The following BRI3 variants were observed in gnomAD, a reference collection of about 807,000 sequenced individuals.
BRI3 encodes the protein membrane protein BRI3.
BRI3 carries 6 observed loss-of-function variants against 12.8 expected under a neutral mutation model. That is an observed-to-expected ratio of 0.47 (90% CI 0.26 to 0.93). The LOEUF is 0.93. BRI3 is among the 40% of genes least tolerant of loss of function. The probability of loss-of-function intolerance (pLI) is 0.15; values close to 1 mark genes in which losing one functional copy is unlikely to be tolerated. For synonymous variants in BRI3, 91 were observed against 76.1 expected (o/e 1.20, Z -1.02); for missense variants, 134 against 171.1 (o/e 0.78, Z 1.21).
At chr7:98,294,190 G>A, downstream of BRI3, 3 of 1,482,920 alleles carry the variant, frequency 2.0e-6, no homozygotes, top group Non-Finnish European at 2.8e-6. Context: ...ATGGGGATTT[G>A]CTATGTTGCC....
exon 2 of BRI3, chr7:98,307,859 CGAA>C: frequency 1.9e-6 from 3 of 1,614,208 alleles, no homozygotes; most frequent in Non-Finnish European, 2.5e-6. Flanking sequence ...CCGTTGCAAC[CGAA>C]ACTGATCGCT....
chr7:98,301,568 C>T (rs983533251), upstream of BRI3, among the ~76,000 whole-genome samples: 51 of 151,776 alleles, frequency 3.4e-4, no homozygotes, highest in Admixed American at 6.6e-5. Flanking sequence ...CCGCCCACTT[C>T]GGACTCCCAA....
At chr7:98,304,437 TC>T, upstream of BRI3, 1 of 1,552,378 alleles carries the variant, frequency 6.4e-7, no homozygotes, top group East Asian at 2.3e-5. Context: ...ACCCCAAACA[TC>T]CTCTGTGTCC....
chr7:98,298,480 G>A (rs1800282283), intron 1 of BRI3, among the ~76,000 whole-genome samples: 1 of 151,962 alleles, frequency 6.6e-6, no homozygotes, highest in Admixed American at 6.5e-5. Context: ...AGGCGTAGTG[G>A]CGGGCGCCTG....
chr7:98,294,434 G>A (rs1250919012), downstream of BRI3, among the ~76,000 whole-genome samples: 5 of 152,224 alleles, frequency 3.3e-5, no homozygotes, highest in African/African-American at 4.8e-5. Context: ...TCTGAAAGGC[G>A]GTAGCGGCCC....
At chr7:98,303,410 G>A (rs1303379904), upstream of BRI3, among the ~76,000 whole-genome samples, 1 of 152,150 alleles carries the variant, frequency 6.6e-6, no homozygotes, top group Non-Finnish European at 1.5e-5. Flanking sequence ...ACACCAGGGC[G>A]CACTAACCTC....
chr7:98,298,114 G>C (rs1438942261), intron 1 of BRI3, among the ~76,000 whole-genome samples: 2 of 152,278 alleles, frequency 1.3e-5, no homozygotes, highest in East Asian at 1.9e-4. Flanking sequence ...CAAACCCCTA[G>C]CTTGAGTCCT....
chr7:98,291,493 T>C lies in BRI3; in HGVS notation c.*250T>C. The C allele has an allele frequency of 7.6e-7, 1 of 1,318,774 alleles. No homozygotes were observed. Among genetic ancestry groups the C allele is most frequent in the Non-Finnish European group, 9.7e-7 (1 of 1,031,658 alleles). The allele number at this position is 1,318,774 out of a possible 1,614,324, so 81.7% of individuals were successfully genotyped here. ...TCTTCAATTTGAGAAAGGTGAGAAA[T>C]AATGTTTTCAATAAATGAGATTCAT... On this transcript the variant is annotated 3_prime_UTR_variant, in exon 3 of 3. Coordinates refer to ENST00000297290, the MANE Select transcript of BRI3 (RefSeq NM_015379.5).
At chr7:98,295,141 A>G (rs994213178), downstream of BRI3, among the ~76,000 whole-genome samples, 1 of 152,242 alleles carries the variant, frequency 6.6e-6, no homozygotes, top group Non-Finnish European at 1.5e-5. Flanking sequence ...AGGCCCTCTC[A>G]TGCCCGATGC....
intron 2 of BRI3, among the ~76,000 whole-genome samples, chr7:98,283,701 C>T (rs762593625): frequency 6.6e-6 from 1 of 152,204 alleles, no homozygotes; most frequent in Non-Finnish European, 1.5e-5. Flanking sequence ...CATGCCCTGC[C>T]ATCCCGGTGT....
chr7:98,304,301 G>A (rs975702681), upstream of BRI3: 9 of 1,613,644 alleles, frequency 5.6e-6, no homozygotes, highest in Non-Finnish European at 5.9e-6. Flanking sequence ...AGCATTCCAA[G>A]TAGTCGGGTG....
chr7:98,294,802 C>A (rs1233804140), downstream of BRI3, among the ~76,000 whole-genome samples: 3 of 152,198 alleles, frequency 2.0e-5, no homozygotes, highest in Admixed American at 2.0e-4. Context: ...GAAGCTCAAA[C>A]TGAGGAAAAG....
chr7:98,294,617 C>T (rs1800109928), downstream of BRI3, among the ~76,000 whole-genome samples: 1 of 152,236 alleles, frequency 6.6e-6, no homozygotes, highest in African/African-American at 2.4e-5. Context: ...AACAGAACCT[C>T]TCAGACTCGG....
At chr7:98,293,415 G>T (rs181098421), downstream of BRI3, 167 of 1,021,436 alleles carry the variant, frequency 1.6e-4, 1 homozygote, top group African/African-American at 2.3e-3. Context: ...TTAGAGTTAG[G>T]CCTCTCCACT....
At chr7:98,296,454 C>T (rs577017580), downstream of BRI3, among the ~76,000 whole-genome samples, 6 of 152,166 alleles carry the variant, frequency 3.9e-5, no homozygotes, top group African/African-American at 1.2e-4. Flanking sequence ...GGAGAAACCC[C>T]GTCTCTACTA....
chr7:98,318,078 G>A, the BRI3 span, among the ~76,000 whole-genome samples: 11 of 151,630 alleles, frequency 7.3e-5, no homozygotes, highest in South Asian at 2.1e-4. Context: ...CCCTCAACCC[G>A]CAGTTCACAC....
Position 98,281,722 on chromosome 7 carries a change from C to A in BRI3, c.-74C>A, listed in dbSNP as rs1799520528. On this transcript the variant is annotated 5_prime_UTR_variant, in exon 1 of 3. Coordinates refer to ENST00000297290, the MANE Select transcript of BRI3 (RefSeq NM_015379.5). ...AGCCACCCGGTCCGCCGCGTCCCCG[C>A]CGCCGCCGCCGCGTCCCCCGCCGGG... 3 of 819,804 alleles carry A rather than the reference C, an allele frequency of 3.7e-6. No individual in the cohort carries two copies. Among genetic ancestry groups the A allele is most frequent in the Non-Finnish European group, 4.4e-6 (3 of 684,802 alleles). The allele number at this position is 819,804 out of a possible 1,614,324, so 50.8% of individuals were successfully genotyped here.
At chr7:98,292,494 CAA>C (rs1037536403), downstream of BRI3, 27 of 798,116 alleles carry the variant, frequency 3.4e-5, no homozygotes, top group Non-Finnish European at 5.2e-5. Context: ...CTCTCCACTC[CAA>C]AATAGGTCCA....
At chr7:98,294,468 G>C (rs970843474), downstream of BRI3, among the ~76,000 whole-genome samples, 1 of 152,220 alleles carries the variant, frequency 6.6e-6, no homozygotes, top group African/African-American at 2.4e-5. Context: ...AGCGTGAACA[G>C]AGCATGGCAC....
Sources: gnomAD v4.1 joint callset for allele counts (sites outside exome capture counted in the v4.1 genomes callset) on GRCh38, gnomAD v4.1.1 for gene constraint, MANE v1.5 for transcripts, NCBI Gene and HGNC (gene_info 2026-07-23, HGNC 2026-07-21) for gene names.